The following RBFOX3 variants were observed in gnomAD, a reference collection of about 807,000 sequenced individuals.
The protein encoded by RBFOX3 is RNA binding protein fox-1 homolog 3.
In RBFOX3, 17 loss-of-function variants were observed where a neutral mutation model predicts 48.7. That is an observed-to-expected ratio of 0.35 (90% CI 0.24 to 0.52). The LOEUF (loss-of-function observed/expected upper bound fraction) is 0.52. Ranked by LOEUF, RBFOX3 falls within the 20% of genes least tolerant of loss-of-function variation. The probability of loss-of-function intolerance (pLI) is 0.94; values close to 1 mark genes in which losing one functional copy is unlikely to be tolerated. For missense variants in RBFOX3, 382 were observed against 497.5 expected, an observed-to-expected ratio of 0.77 and a Z score of 2.21; for synonymous variants, 212 against 209.5, an observed-to-expected ratio of 1.01 and a Z score of -0.10.
At chr17:79,158,830 G>GTCC in intron 4 of RBFOX3, among the ~76,000 whole-genome samples, 1 of 152,210 alleles carries the variant, frequency 6.6e-6, no homozygotes, top group African/African-American at 2.4e-5. Flanking sequence ...CTCAGCCCAC[G>GTCC]TGGCAGTCAC....
At chr17:79,183,588 C>CGCGCGAGAATACGGCCAGAGAGTCTGT (rs2052687206) in intron 4 of RBFOX3, 1 of 152,216 alleles carries the variant, frequency 6.6e-6, no homozygotes, top group African/African-American at 2.4e-5. Flanking sequence ...GGAGAGAGCG[C>CGCGCGAGAATACGGCCAGAGAGTCTGT]GCGCGAGAAT....
At chr17:79,498,882 A>ATCCG (rs1274563971) in intron 1 of RBFOX3, among the ~76,000 whole-genome samples, 3 of 147,250 alleles carry the variant, frequency 2.0e-5, no homozygotes, top group Non-Finnish European at 4.5e-5. Flanking sequence ...CCATCCATCC[A>ATCCG]TCCATCCATC....
chr17:79,405,812 C>A lies in RBFOX3; in HGVS notation c.-175+76642G>T, dbSNP rs1450985061. ...TTCACCTGCCAAGATGCAGACCATG[C>A]CCCTCAGGAAGTCCCCTCATGCCCC... is the stretch of plus-strand genomic sequence containing the variant. On this transcript the variant is annotated intron_variant, in intron 2 of 14. Transcript: ENST00000693108. 3.3e-5 allele frequency among the ~76,000 whole-genome samples: 5 copies of A among 152,340 alleles called. No homozygotes were observed. In the East Asian group the frequency reaches 9.6e-4, roughly 29 times the overall value.
Position 79,473,100 on chromosome 17 carries a change from C to T in RBFOX3, c.-175+9354G>A, listed in dbSNP as rs2077246698. ...TAAAGAAGGCATACAAAACACAAAG[C>T]CCAGGTTCTTAACGATTAGACTCAT... is the stretch of plus-strand genomic sequence containing the variant. On this transcript the variant is annotated intron_variant, in intron 2 of 14. Coordinates refer to ENST00000693108, the MANE Select transcript of RBFOX3 (RefSeq NM_001350451.2). This position sits in a 1 kb window ranked among gnomAD's most constrained non-coding sequence, Gnocchi z 4.2. Among the ~76,000 whole-genome samples the T allele has an allele frequency of 6.6e-6, 1 of 152,134 alleles. No homozygotes were observed. Among genetic ancestry groups the T allele is most frequent in the Non-Finnish European group, 1.5e-5 (1 of 68,016 alleles).
intron 3 of RBFOX3, chr17:79,298,126 T>C (rs913919860): frequency 6.6e-6 from 1 of 152,240 alleles, no homozygotes; most frequent in African/African-American, 2.4e-5. Flanking sequence ...GGAGATGTCT[T>C]CTGGAAGTCA....
chr17:79,449,917 G>A (rs571486177), intron 2 of RBFOX3, among the ~76,000 whole-genome samples: 4 of 152,262 alleles, frequency 2.6e-5, no homozygotes, highest in Non-Finnish European at 4.4e-5. Context: ...CAGCCAGCCC[G>A]CTCGTTAATT....
chr17:79,560,885 T>C (rs1229259832), intron 1 of RBFOX3, among the ~76,000 whole-genome samples: 1 of 152,172 alleles, frequency 6.6e-6, no homozygotes, highest in Non-Finnish European at 1.5e-5. Context: ...GGATGCTTGG[T>C]CCCATTTCAC....
chr17:79,289,897 A>G (rs1346916949), intron 3 of RBFOX3, among the ~76,000 whole-genome samples: 3 of 152,190 alleles, frequency 2.0e-5, no homozygotes, highest in African/African-American at 7.2e-5. Flanking sequence ...CTGGGCTATA[A>G]CTAATAACAC....
the RBFOX3 span, among the ~76,000 whole-genome samples, chr17:79,647,686 C>A: frequency 5.9e-5 from 9 of 152,312 alleles, no homozygotes; most frequent in African/African-American, 2.2e-4. Context: ...CCCTGCTGCC[C>A]CTAACTGCAC....
chr17:79,434,482 A>AC (rs1396253812), intron 2 of RBFOX3, among the ~76,000 whole-genome samples: 15 of 152,160 alleles, frequency 9.9e-5, no homozygotes, highest in African/African-American at 3.6e-4. Flanking sequence ...AGTGTTGGAA[A>AC]CACCTGGGTA....
At chr17:79,327,399 C>T (rs1047753848) in intron 2 of RBFOX3, among the ~76,000 whole-genome samples, 4 of 152,180 alleles carry the variant, frequency 2.6e-5, no homozygotes, top group East Asian at 1.9e-4. Context: ...AAATTCACCC[C>T]ACCTCCTGCC....
intron 2 of RBFOX3, among the ~76,000 whole-genome samples, chr17:79,438,190 G>A (rs987624044): frequency 1.3e-5 from 2 of 152,136 alleles, no homozygotes; most frequent in African/African-American, 4.8e-5. Context: ...ACCTCCTTCT[G>A]TGCTGCTGGC....
intron 4 of RBFOX3, among the ~76,000 whole-genome samples, chr17:79,132,523 C>T (rs1428928668): frequency 2.6e-5 from 4 of 152,196 alleles, no homozygotes; most frequent in East Asian, 1.9e-4. Context: ...CAGGAAACAG[C>T]GTACATTGCT....
Position 79,390,057 on chromosome 17 carries a change from C to T in RBFOX3, c.-174-82233G>A, listed in dbSNP as rs1292008705. On this transcript the variant is annotated intron_variant, in intron 2 of 14. Transcript: ENST00000693108. The surrounding 1 kb of genome is among the most constrained non-coding windows in gnomAD (Gnocchi z 4.2). Reference sequence around the variant, plus strand: ...TCCGTAGCCTCCAGGTCTCCGCAGCCGCCGGGTCTCCGCAGCCTCCGGGTC... The same window carrying T: ...TCCGTAGCCTCCAGGTCTCCGCAGCTGCCGGGTCTCCGCAGCCTCCGGGTC... Among the ~76,000 whole-genome samples, 17 of 151,224 alleles carry T rather than the reference C, an allele frequency of 1.1e-4. No homozygotes were observed. Among genetic ancestry groups the T allele is most frequent in the Middle Eastern group, 3.2e-3 (1 of 316 alleles).
chr17:79,554,741 C>T (rs994076664), intron 1 of RBFOX3, among the ~76,000 whole-genome samples: 4 of 152,226 alleles, frequency 2.6e-5, no homozygotes, highest in Admixed American at 1.3e-4. Flanking sequence ...ATGTAATATA[C>T]AATCATTATA....
Position 79,205,941 on chromosome 17 carries a change from T to TC in RBFOX3, c.-34+29824dup, listed in dbSNP as rs1431855675. Among the ~76,000 whole-genome samples the TC allele has an allele frequency of 6.6e-6, 1 of 151,996 alleles. No individual in the cohort carries two copies. Among genetic ancestry groups the TC allele is most frequent in the Non-Finnish European group, 1.5e-5 (1 of 68,012 alleles). On this transcript the variant is annotated intron_variant, in intron 4 of 14. Coordinates refer to ENST00000693108, the MANE Select transcript of RBFOX3 (RefSeq NM_001350451.2). This position sits in a 1 kb window ranked among gnomAD's most constrained non-coding sequence, Gnocchi z 4.5. The stretch of plus-strand genomic sequence containing the variant: ...GGCTGCAATCATTCTCTTGCTCTTT[T>TC]CCACAATATAGTCTGCAGGGACCTT...
At chr17:79,620,217 A>C in the RBFOX3 span, among the ~76,000 whole-genome samples, 2 of 147,168 alleles carry the variant, frequency 1.4e-5, no homozygotes, top group African/African-American at 5.1e-5. Context: ...ATGCACACAC[A>C]GGGACATGCA....
chr17:79,660,657 G>A, the RBFOX3 span, among the ~76,000 whole-genome samples: 2 of 152,204 alleles, frequency 1.3e-5, no homozygotes, highest in African/African-American at 4.8e-5. Flanking sequence ...ATGCTGGCGA[G>A]GTTATGGAGG....
intron 4 of RBFOX3, among the ~76,000 whole-genome samples, chr17:79,218,625 C>T (rs1370833542): frequency 1.3e-5 from 2 of 152,162 alleles, no homozygotes; most frequent in Non-Finnish European, 2.9e-5. Context: ...TGAAGGGGCT[C>T]CTAGGCCGGC....
Sources: allele counts gnomAD v4.1 joint callset (sites outside exome capture counted in the v4.1 genomes callset), GRCh38; gene constraint gnomAD v4.1.1; non-coding constraint Gnocchi (gnomAD v3.1); transcripts MANE v1.5; gene names NCBI Gene and HGNC (gene_info 2026-07-23, HGNC 2026-07-21).